The following SGCD variants were observed in gnomAD, a reference collection of about 807,000 sequenced individuals.
The protein encoded by SGCD is delta-sarcoglycan.
In SGCD, 18 loss-of-function variants were observed where a neutral mutation model predicts 36.6. The observed-to-expected ratio is 0.49, with a 90% CI of 0.34 to 0.73. The LOEUF (loss-of-function observed/expected upper bound fraction) is 0.73, where lower values mean the gene tolerates loss of function less well. SGCD is among the 30% of genes least tolerant of loss of function. SGCD has a pLI of 0.01. For synonymous variants in SGCD, 133 were observed against 130.6 expected, an observed-to-expected ratio of 1.02 and a Z score of -0.12; for missense variants, 387 against 346.7, an observed-to-expected ratio of 1.12 and a Z score of -0.92.
intron 3 of SGCD, among the ~76,000 whole-genome samples, chr5:156,349,295 A>C (rs1480970703): frequency 1.3e-5 from 2 of 152,150 alleles, no homozygotes; most frequent in Non-Finnish European, 2.9e-5. Context: ...CAGTAAAAGA[A>C]ATAGTAATCA....
rs867054873 is a variant in SGCD at position 156,045,541 on chromosome 5, T to G, written c.-281-72337T>G. Among the ~76,000 whole-genome samples the G allele has an allele frequency of 6.6e-5, 10 of 152,310 alleles. No homozygotes were observed. In the Middle Eastern group the frequency reaches 0.014, roughly 207 times the overall value. On this transcript the variant is annotated intron_variant, in intron 1 of 9. Coordinates refer to the SGCD transcript ENST00000517913. The stretch of plus-strand genomic sequence containing the variant: ...ATGGACCTATATAATTCAGCCTGGC[T>G]GCCATCACAACATACCATAGACTGT...
At chr5:155,974,490 A>G (rs764637882) in intron 1 of SGCD, among the ~76,000 whole-genome samples, 7 of 151,436 alleles carry the variant, frequency 4.6e-5, no homozygotes, top group Non-Finnish European at 8.8e-5. Flanking sequence ...ACAGGTCACA[A>G]TCCACAGGGT....
intron 7 of SGCD, among the ~76,000 whole-genome samples, chr5:156,683,029 G>C (rs1220550244): frequency 6.6e-6 from 1 of 152,190 alleles, no homozygotes; most frequent in East Asian, 1.9e-4. Flanking sequence ...AAACAGGTAA[G>C]TTATGGAAGG....
intron 7 of SGCD, among the ~76,000 whole-genome samples, chr5:156,705,703 C>G (rs557165096): frequency 4.6e-5 from 7 of 152,106 alleles, no homozygotes; most frequent in African/African-American, 1.2e-4. Context: ...TGGTGATAAG[C>G]TGTGTGTGAT....
intron 3 of SGCD, among the ~76,000 whole-genome samples, chr5:156,296,134 T>C (rs1473117338): frequency 1.3e-5 from 2 of 152,082 alleles, no homozygotes; most frequent in Admixed American, 1.3e-4. Flanking sequence ...TTCTGTGGAG[T>C]CCCACTGTGA....
chr5:156,100,266 C>T lies in SGCD; in HGVS notation c.-281-17612C>T, dbSNP rs77274644. Among the ~76,000 whole-genome samples the T allele has an allele frequency of 6.5e-3, 969 of 150,074 alleles. 5 individuals are homozygous for T. The highest frequency in any genetic ancestry group is 0.023 in the African/African-American group (916 of 40,696). Reference sequence around the variant, plus strand: ...CTGTTTAATACCCTCAAGAAGCTGACAAAAACTAGGATTGGCTTAAAACAA... The same window carrying T: ...CTGTTTAATACCCTCAAGAAGCTGATAAAAACTAGGATTGGCTTAAAACAA... On this transcript the variant is annotated intron_variant, in intron 1 of 9. Transcript: ENST00000517913.
chr5:155,762,012 A>G, the SGCD span, among the ~76,000 whole-genome samples: 2 of 152,238 alleles, frequency 1.3e-5, no homozygotes, highest in African/African-American at 4.8e-5. Flanking sequence ...CTTCTTTACA[A>G]ATATACACTT....
chr5:155,913,599 A>C (rs968973254), intron 1 of SGCD, among the ~76,000 whole-genome samples: 1 of 152,114 alleles, frequency 6.6e-6, no homozygotes, highest in Non-Finnish European at 1.5e-5. Flanking sequence ...CTTGTTATTT[A>C]ATTGCTTTAT....
At chr5:156,705,371 G>C (rs1315356856) in intron 7 of SGCD, among the ~76,000 whole-genome samples, 1 of 152,124 alleles carries the variant, frequency 6.6e-6, no homozygotes, top group Non-Finnish European at 1.5e-5. Context: ...TGCTTTGACT[G>C]ATCAAGTATG....
At chr5:156,212,026 A>G (rs561399439) in intron 3 of SGCD, among the ~76,000 whole-genome samples, 3 of 152,224 alleles carry the variant, frequency 2.0e-5, no homozygotes, top group Non-Finnish European at 2.9e-5. Context: ...AATGATAAAA[A>G]GTAAGGAATC....
In SGCD at chr5:156,178,141, C is replaced by T. The variant is rs79892475; in HGVS notation, c.-44+54122C>T. ...TTATTGAATAACATACTGTGAAAAA[C>T]TGTGATTGTGTGGGTATTCAAAGTA... On this transcript the variant is annotated intron_variant, in intron 3 of 9. Transcript: ENST00000517913. 6.6e-4 allele frequency among the ~76,000 whole-genome samples: 101 copies of T among 152,020 alleles called. 3 individuals carry two copies. In the East Asian group the frequency reaches 0.019, roughly 29 times the overall value.
chr5:156,038,853 G>A (rs1317090122), intron 1 of SGCD, among the ~76,000 whole-genome samples: 1 of 152,092 alleles, frequency 6.6e-6, no homozygotes, highest in Non-Finnish European at 1.5e-5. Context: ...TTTTTTTCCT[G>A]TCTAACATTG....
chr5:156,056,500 AC>A (rs1200014387), intron 1 of SGCD, among the ~76,000 whole-genome samples: 1 of 144,536 alleles, frequency 6.9e-6, no homozygotes, highest in Non-Finnish European at 1.6e-5. Flanking sequence ...GCTACCCCAG[AC>A]CAGTAATCTG....
intron 3 of SGCD, among the ~76,000 whole-genome samples, chr5:156,354,174 C>A (rs1232191588): frequency 6.6e-6 from 1 of 152,042 alleles, no homozygotes. Flanking sequence ...ATGAAAGTTG[C>A]GGAAAGAATA....
chr5:156,572,311 GAGGAACTGA>G (rs1285788531), intron 4 of SGCD, among the ~76,000 whole-genome samples: 2 of 152,140 alleles, frequency 1.3e-5, no homozygotes, highest in African/African-American at 4.8e-5. Flanking sequence ...TTAACTTATT[GAGGAACTGA>G]CAAGCTGTTT....
At position 156,289,808 on chromosome 5, in the gene SGCD, C is replaced by A. The variant is rs186294790; in HGVS notation, c.-43-39726C>A. The stretch of plus-strand genomic sequence containing the variant: ...AGCCAGGATTACAGGTGTGAGCCAC[C>A]ATGCCTGGCTCCAGTTCAATTCAAT... On this transcript the variant is annotated intron_variant, in intron 3 of 9. Coordinates refer to the SGCD transcript ENST00000517913. 1.2e-3 allele frequency among the ~76,000 whole-genome samples: 187 copies of A among 152,136 alleles called. 10 individuals are homozygous for A. Among genetic ancestry groups the A allele is most frequent in the Admixed American group, 0.012 (181 of 15,256 alleles).
At chr5:156,173,047 T>C (rs1763379917) in intron 3 of SGCD, among the ~76,000 whole-genome samples, 1 of 152,164 alleles carries the variant, frequency 6.6e-6, no homozygotes, top group African/African-American at 2.4e-5. Context: ...TTGTCCTGTT[T>C]ACTTGAGTTG....
At chr5:156,001,650 T>C (rs1438202517) in intron 1 of SGCD, among the ~76,000 whole-genome samples, 3 of 152,262 alleles carry the variant, frequency 2.0e-5, no homozygotes, top group Non-Finnish European at 4.4e-5. Context: ...TTGAGCTGAG[T>C]ATTATTTTTC....
intron 3 of SGCD, among the ~76,000 whole-genome samples, chr5:156,268,043 T>A (rs12716365): frequency 0.37 from 56,941 of 152,070 alleles, 11,360 homozygotes; most frequent in African/African-American, 0.48. Context: ...TGTATTCATG[T>A]GTTCTCATTA....
Sources: gnomAD v4.1 joint callset for allele counts (sites outside exome capture counted in the v4.1 genomes callset) on GRCh38, gnomAD v4.1.1 for gene constraint, MANE v1.5 for transcripts, NCBI Gene and HGNC (gene_info 2026-07-23, HGNC 2026-07-21) for gene names.